PNLIPRP3: variants seen among roughly 807,000 people sequenced by gnomAD.
The protein encoded by PNLIPRP3 is pancreatic lipase-related protein 3.
PNLIPRP3 carries 58 observed loss-of-function variants against 52.8 expected under a neutral mutation model. The ratio of observed to expected loss-of-function variants is 1.10; its 90% confidence interval spans 0.89 to 1.37. The LOEUF is 1.37. PNLIPRP3 is among the 40% of genes most tolerant of loss of function. The probability of loss-of-function intolerance (pLI) is 0.00; values close to 1 mark genes in which losing one functional copy is unlikely to be tolerated. For synonymous variants in PNLIPRP3, 192 were observed against 185.0 expected (o/e 1.04, Z -0.31); for missense variants, 593 against 561.6 (o/e 1.06, Z -0.57).
At chr10:116,448,216 C>T (rs1845984054) in intron 4 of PNLIPRP3, among the ~76,000 whole-genome samples, 1 of 151,820 alleles carries the variant, frequency 6.6e-6, no homozygotes, top group African/African-American at 2.4e-5. Context: ...ATAACTATAA[C>T]TAAAAATATG....
chr10:116,449,588 A>C (rs1255396493), intron 4 of PNLIPRP3, among the ~76,000 whole-genome samples: 4 of 152,218 alleles, frequency 2.6e-5, no homozygotes, highest in African/African-American at 9.6e-5. Context: ...TAAATATATA[A>C]AGCAAACATT....
At chr10:116,431,477 G>A (rs1480764300) in intron 1 of PNLIPRP3, among the ~76,000 whole-genome samples, 1 of 152,032 alleles carries the variant, frequency 6.6e-6, no homozygotes, top group Non-Finnish European at 1.5e-5. Context: ...TTTGAAACAT[G>A]CTATGGTAAA....
At chr10:116,433,539 T>C (rs919767230) in intron 1 of PNLIPRP3, among the ~76,000 whole-genome samples, 30 of 152,306 alleles carry the variant, frequency 2.0e-4, no homozygotes, top group African/African-American at 6.7e-4. Flanking sequence ...ATACTGGTGG[T>C]ACTTACAGAA....
chr10:116,472,395 T>A lies in PNLIPRP3; in HGVS notation c.1172+516T>A, dbSNP rs185386240. Among the ~76,000 whole-genome samples, 4 of 152,354 alleles carry A rather than the reference T, an allele frequency of 2.6e-5. No homozygotes were observed. In the East Asian group the frequency reaches 7.7e-4, roughly 29 times the overall value. On this transcript the variant is annotated intron_variant, in intron 10 of 11. Transcript: ENST00000369230. ...CCCTCCTTTTATCTTGAAATTTTCT[T>A]AATCTTTTATTTGTTCAGCCTTAGC...
At chr10:116,471,442 A>G (rs896056217) in intron 9 of PNLIPRP3, among the ~76,000 whole-genome samples, 22 of 152,350 alleles carry the variant, frequency 1.4e-4, no homozygotes, top group African/African-American at 5.3e-4. Flanking sequence ...TATATGCCAC[A>G]CAATACAAAG....
At chr10:116,473,910 C>G (rs1191411320) in intron 10 of PNLIPRP3, among the ~76,000 whole-genome samples, 1 of 110,504 alleles carries the variant, frequency 9.0e-6, no homozygotes, top group Non-Finnish European at 1.8e-5. Context: ...AGTTTCTTCA[C>G]AGAAATAGAT....
intron 4 of PNLIPRP3, among the ~76,000 whole-genome samples, chr10:116,448,547 T>G (rs1050518346): frequency 6.6e-6 from 1 of 152,168 alleles, no homozygotes; most frequent in East Asian, 1.9e-4. Flanking sequence ...GGAAACAATT[T>G]TTTTAAATGG....
intron 3 of PNLIPRP3, among the ~76,000 whole-genome samples, 178 bp from the exon 4 acceptor site, chr10:116,444,204 A>G (rs1845907994): frequency 6.6e-6 from 1 of 152,062 alleles, no homozygotes; most frequent in Non-Finnish European, 1.5e-5. Flanking sequence ...CTCTCCTTTG[A>G]GACGTGCAGA....
intron 1 of PNLIPRP3, among the ~76,000 whole-genome samples, chr10:116,431,002 C>A (rs1189134890): frequency 6.6e-6 from 1 of 152,200 alleles, no homozygotes; most frequent in Non-Finnish European, 1.5e-5. Context: ...ATCTGTTCGT[C>A]TCAAAGTTTT....
At chr10:116,428,910 ATCT>A (rs1845672257) in intron 1 of PNLIPRP3, among the ~76,000 whole-genome samples, 1 of 152,090 alleles carries the variant, frequency 6.6e-6, no homozygotes, top group African/African-American at 2.4e-5. Flanking sequence ...TGAATTCTGA[ATCT>A]TCTTGGGTTT....
intron 8 of PNLIPRP3, among the ~76,000 whole-genome samples, chr10:116,468,605 C>T (rs1846317609): frequency 6.6e-6 from 1 of 152,224 alleles, no homozygotes; most frequent in Non-Finnish European, 1.5e-5. Flanking sequence ...CTTGTGACTG[C>T]TGTAAGCGGG....
intron 9 of PNLIPRP3, among the ~76,000 whole-genome samples, chr10:116,471,088 A>G (rs2133157455): frequency 6.6e-6 from 1 of 152,288 alleles, no homozygotes; most frequent in South Asian, 2.1e-4. Context: ...CCTTTCAATT[A>G]TTTTCAAATA....
chr10:116,477,002 T>C, intron 11 of PNLIPRP3, 88 bp from the exon 12 acceptor site: 4 of 1,248,632 alleles, frequency 3.2e-6, no homozygotes, highest in East Asian at 2.4e-5. Flanking sequence ...AAAATAAGAA[T>C]TACTCATTAA....
At chr10:116,457,367 C>T (rs542045721) in intron 5 of PNLIPRP3, among the ~76,000 whole-genome samples, 85 of 152,138 alleles carry the variant, frequency 5.6e-4, no homozygotes, top group African/African-American at 1.8e-3. Flanking sequence ...TGCTCGCTCT[C>T]TCTCTCACAC....
At chr10:116,466,329 G>C (rs895592728) in intron 8 of PNLIPRP3, among the ~76,000 whole-genome samples, 161 bp downstream of exon 8, 14 of 152,220 alleles carry the variant, frequency 9.2e-5, no homozygotes, top group Non-Finnish European at 1.9e-4. Flanking sequence ...CAGTAGCTGG[G>C]ATTGCTGGAG....
At chr10:116,467,901 G>A (rs572131213) in intron 8 of PNLIPRP3, among the ~76,000 whole-genome samples, 4 of 150,732 alleles carry the variant, frequency 2.7e-5, no homozygotes, top group East Asian at 1.9e-4. Flanking sequence ...CGAGGAAGGC[G>A]GATCACTAGG....
chr10:116,457,675 G>T (rs1269308733), intron 5 of PNLIPRP3, among the ~76,000 whole-genome samples: 2 of 152,166 alleles, frequency 1.3e-5, no homozygotes, highest in African/African-American at 2.4e-5. Flanking sequence ...GAAGGAATGA[G>T]TTCCTCTTTT....
intron 4 of PNLIPRP3, among the ~76,000 whole-genome samples, chr10:116,451,974 A>C (rs1564698565): frequency 1.3e-5 from 2 of 152,210 alleles, no homozygotes; most frequent in Non-Finnish European, 2.9e-5. Flanking sequence ...AGATGAGGGA[A>C]AGTTTGAAAC....
At chr10:116,436,926 T>C (rs949328897) in intron 2 of PNLIPRP3, 61 bp downstream of exon 2, 9 of 1,445,496 alleles carry the variant, frequency 6.2e-6, no homozygotes, top group East Asian at 2.3e-5. Flanking sequence ...TGCCTATAGA[T>C]ACAGAAGACA....
Sources: gnomAD v4.1 joint callset for allele counts (sites outside exome capture counted in the v4.1 genomes callset) on GRCh38, gnomAD v4.1.1 for gene constraint, MANE v1.5 for transcripts, NCBI Gene and HGNC (gene_info 2026-07-23, HGNC 2026-07-21) for gene names.